The following ADGRV1 variants were observed in gnomAD, a reference collection of about 807,000 sequenced individuals.
ADGRV1 encodes the protein G-protein coupled receptor 98.
ADGRV1 carries 359 observed loss-of-function variants against 596.2 expected under a neutral mutation model. The observed-to-expected ratio is 0.60, with a 90% CI of 0.55 to 0.66. ADGRV1 has a LOEUF of 0.66. Among genes scored for constraint, ADGRV1 ranks in the 30% least tolerant of loss-of-function variants. The pLI is 0.00. For synonymous variants in ADGRV1, 2,681 were observed against 2,679.2 expected (o/e 1.00, Z -0.02); for missense variants, 7,274 against 7,575.6 (o/e 0.96, Z 1.48).
intron 85 of ADGRV1, among the ~76,000 whole-genome samples, chr5:91,023,692 T>A (rs1783816162): frequency 6.6e-6 from 1 of 152,084 alleles, no homozygotes; most frequent in South Asian, 2.1e-4. Context: ...GGCAGGGAAC[T>A]CAGGGTCCTA....
Position 90,745,782 on chromosome 5 carries a change from T to C in ADGRV1, c.10961T>C (p.Val3654Ala). 6.3e-7 allele frequency: 1 copy of C among 1,598,812 alleles called. No individual in the cohort carries two copies. The highest frequency in any genetic ancestry group is 8.6e-7 in the Non-Finnish European group (1 of 1,167,490). ...TCTAATGATGATGCCTATGGAATTG[T>C]TGCATTTGCTCAGGTAATGATACTG... ...ILSNDDAYGI[V>A]AFAQNSLYKQ... The change falls in exon 52 of 90, where the codon GTT becomes GCT. Residue 3654 changes from valine to alanine, a missense_variant. Val to Ala is a moderately conservative substitution (Grantham distance 64, BLOSUM62 0). Transcript: ENST00000405460.
chr5:90,794,799 C>T (rs1268837408), intron 70 of ADGRV1, among the ~76,000 whole-genome samples: 1 of 152,082 alleles, frequency 6.6e-6, no homozygotes, highest in Admixed American at 6.5e-5. Flanking sequence ...CTCACTGGGA[C>T]TGGTTGGACA....
At chr5:90,946,442 T>C (rs1443460793) in intron 83 of ADGRV1, among the ~76,000 whole-genome samples, 1 of 152,140 alleles carries the variant, frequency 6.6e-6, no homozygotes, top group African/African-American at 2.4e-5. Context: ...GCTATACTTA[T>C]TGGTTGGATT....
chr5:90,956,185 A>G (rs1777462741), intron 83 of ADGRV1, among the ~76,000 whole-genome samples: 1 of 152,106 alleles, frequency 6.6e-6, no homozygotes, highest in Admixed American at 6.6e-5. Context: ...AAAAACAGCA[A>G]TTTCCCATTA....
intron 70 of ADGRV1, among the ~76,000 whole-genome samples, chr5:90,799,191 C>T (rs542923449): frequency 2.6e-4 from 40 of 152,222 alleles, no homozygotes; most frequent in Admixed American, 5.2e-4. Flanking sequence ...TCATCTCAGC[C>T]CCAGATATCC....
At chr5:91,154,705 A>G (rs1796327441) in intron 89 of ADGRV1, among the ~76,000 whole-genome samples, 1 of 152,248 alleles carries the variant, frequency 6.6e-6, no homozygotes, top group African/African-American at 2.4e-5. Flanking sequence ...GGGAAGCTTC[A>G]GGAAATGTAC....
chr5:90,592,261 G>T (rs1048574250), intron 1 of ADGRV1, among the ~76,000 whole-genome samples: 6 of 152,190 alleles, frequency 3.9e-5, no homozygotes, highest in African/African-American at 1.4e-4. Flanking sequence ...TGGTATATAT[G>T]TTCCATGGAG....
At chr5:90,820,594 C>T (rs1273666736) in intron 75 of ADGRV1, among the ~76,000 whole-genome samples, 2 of 151,386 alleles carry the variant, frequency 1.3e-5, no homozygotes, top group Non-Finnish European at 2.9e-5. Context: ...TTCAGGAGCT[C>T]TTTTAGGGCA....
chr5:91,142,025 A>G (rs142414040), intron 87 of ADGRV1, among the ~76,000 whole-genome samples: 88 of 152,348 alleles, frequency 5.8e-4, no homozygotes, highest in African/African-American at 2.1e-3. Flanking sequence ...TCATTCTGCC[A>G]TGAAGCCGTG....
In ADGRV1 at chr5:90,985,384, A is replaced by G. The variant is rs754863582; in HGVS notation, c.18014A>G (p.His6005Arg). ...FWYVLVMNDE[H>R]TERRYLLFFL... Reference sequence around the variant, plus strand: ...TACGTGCTGGTGATGAATGATGAGCACACAGAGAGGCGATATCTGCTGTTT... The same window carrying G: ...TACGTGCTGGTGATGAATGATGAGCGCACAGAGAGGCGATATCTGCTGTTT... Residue 6005 changes from histidine (H) to arginine (R), a missense_variant, in exon 85 of 90, where the codon CAC (histidine) becomes CGC (arginine). Physicochemically the swap from His to Arg is conservative, Grantham distance 29. Coordinates refer to ENST00000405460, the MANE Select transcript of ADGRV1 (RefSeq NM_032119.4). The G allele has an allele frequency of 5.0e-6, 8 of 1,613,538 alleles. No homozygotes were observed. Among genetic ancestry groups the G allele is most frequent in the Non-Finnish European group, 6.8e-6 (8 of 1,179,736 alleles).
intron 11 of ADGRV1, 95 bp from the exon 12 acceptor site, chr5:90,642,541 A>T (rs1461213454): frequency 4.6e-6 from 6 of 1,308,082 alleles, no homozygotes; most frequent in South Asian, 2.9e-5. Flanking sequence ...CCTTTTCATT[A>T]TCTGGAAGAG....
At chr5:91,117,375 A>G (rs1003989324) in intron 87 of ADGRV1, among the ~76,000 whole-genome samples, 2 of 152,128 alleles carry the variant, frequency 1.3e-5, no homozygotes, top group Admixed American at 6.6e-5. Context: ...TGCCCTCAAT[A>G]TATATTATAA....
chr5:90,730,075 C>T (rs1021402153), intron 50 of ADGRV1, among the ~76,000 whole-genome samples: 3 of 152,122 alleles, frequency 2.0e-5, no homozygotes, highest in African/African-American at 7.2e-5. Flanking sequence ...ACCGTGTTAG[C>T]CAGGATGGTC....
chr5:90,697,351 C>T (rs1385278187), intron 34 of ADGRV1, among the ~76,000 whole-genome samples: 1 of 152,106 alleles, frequency 6.6e-6, no homozygotes, highest in Non-Finnish European at 1.5e-5. Flanking sequence ...ATACCATGTT[C>T]TAGCTTGCCA....
At chr5:90,844,231 G>A (rs1031299561) in intron 78 of ADGRV1, among the ~76,000 whole-genome samples, 3 of 151,986 alleles carry the variant, frequency 2.0e-5, no homozygotes, top group Non-Finnish European at 2.9e-5. Flanking sequence ...AGTACTGGAA[G>A]GTACTTCATT....
rs185638160 is a variant in ADGRV1 at position 90,618,154 on chromosome 5, A to G, written c.357+201A>G. On this transcript the variant is annotated intron_variant, in intron 3 of 89. Coordinates refer to ENST00000405460, the MANE Select transcript of ADGRV1 (RefSeq NM_032119.4). ...CCTTGATCTTGTTCAGAAACTCTGC[A>G]GGTAGTTTTTGGATCCATTCAGCTT... 2.1e-4 allele frequency among the ~76,000 whole-genome samples: 32 copies of G among 152,296 alleles called. No individual in the cohort carries two copies. In the East Asian group the frequency reaches 5.2e-3, roughly 25 times the overall value.
Position 90,724,944 on chromosome 5 carries a change from AT to A in ADGRV1, c.9862del (p.Ser3288LeufsTer17). The A allele has an allele frequency of 6.2e-7, 1 of 1,609,830 alleles. No individual in the cohort carries two copies. Among genetic ancestry groups the A allele is most frequent in the Non-Finnish European group, 8.5e-7 (1 of 1,177,702 alleles). The stretch of plus-strand genomic sequence containing the variant: ...TATATGGTATAATGTTAAGAAAATC[AT>A]CTGTTACTGTTTACCGATGGCAGGG... Reference protein sequence around the residue: ...LIYGIMLRKSSVTVYRWQGIF... With the variant: ...LIYGIMLRKSXVTVYRWQGIF... On this transcript the variant is annotated frameshift_variant, in exon 46 of 90. Transcript: ENST00000405460. LOFTEE classifies it high-confidence loss of function.
rs191348498 is a variant in ADGRV1, at chr5:90,950,403, C to G, written c.17857-15012C>G. Among the ~76,000 whole-genome samples, 304 of 152,158 alleles carry G rather than the reference C, an allele frequency of 2.0e-3. 4 individuals are homozygous for G. Among genetic ancestry groups the G allele is most frequent in the Non-Finnish European group, 5.3e-4 (36 of 67,988 alleles). The stretch of plus-strand genomic sequence containing the variant: ...GTGGGGTGATCTCGGCTCACTGCAA[C>G]CTCTGCCTCCCCAGTTCAAGAGATT... On this transcript the variant is annotated intron_variant, in intron 83 of 89. Transcript: ENST00000405460.
intron 70 of ADGRV1, among the ~76,000 whole-genome samples, chr5:90,797,883 GAACA>G (rs1760927666): frequency 1.3e-5 from 2 of 152,104 alleles, no homozygotes; most frequent in Non-Finnish European, 2.9e-5. Flanking sequence ...AAACCAATGA[GAACA>G]AAGACACAAT....
Sources: gnomAD v4.1 joint callset for allele counts (sites outside exome capture counted in the v4.1 genomes callset) on GRCh38, gnomAD v4.1.1 for gene constraint, MANE v1.5 for transcripts, NCBI Gene and HGNC (gene_info 2026-07-23, HGNC 2026-07-21) for gene names.